NCOA1: variants seen among roughly 807,000 people sequenced by gnomAD.
NCOA1 encodes nuclear receptor coactivator 1, also known as Hin-2 protein.
Under a neutral mutation model 150.9 loss-of-function variants are expected in NCOA1, and 35 were observed. That is an observed-to-expected ratio of 0.23 (90% CI 0.18 to 0.31). The LOEUF is 0.31. NCOA1 is among the 10% of genes least tolerant of loss of function. The pLI, the probability that NCOA1 is intolerant of heterozygous loss-of-function variation, is 1.00. For missense variants in NCOA1, 1,491 were observed against 1,749.3 expected, an observed-to-expected ratio of 0.85 and a Z score of 2.63; for synonymous variants, 590 against 630.0, an observed-to-expected ratio of 0.94 and a Z score of 0.95.
chr2:24,562,910 T>C (rs1666344902), intron 1 of NCOA1, among the ~76,000 whole-genome samples: 1 of 152,054 alleles, frequency 6.6e-6, no homozygotes, highest in African/African-American at 2.4e-5. Context: ...GAATGACAAA[T>C]TGAAGAAGAG....
chr2:24,601,088 A>C (rs180687305), intron 3 of NCOA1, among the ~76,000 whole-genome samples: 13 of 152,266 alleles, frequency 8.5e-5, no homozygotes, highest in Non-Finnish European at 1.8e-4. Context: ...GGGAAGCTTT[A>C]CACAGTTCTA....
rs749147926 is a variant in NCOA1, at chr2:24,707,624, T to A, written c.2154T>A (p.Ser718=). The A allele has an allele frequency of 1.2e-6, 2 of 1,614,230 alleles. No individual in the cohort carries two copies. Among genetic ancestry groups the A allele is most frequent in the Non-Finnish European group, 1.7e-6 (2 of 1,180,028 alleles). The change falls in exon 13 of 23, where the codon TCT becomes TCA. Residue 718 remains serine, a synonymous_variant. Transcript: ENST00000348332. ...EPDKKDSAST[S]VSVTGQVQGN... is the part of the protein sequence containing the mutation. ...ATAAAAAGGACAGTGCATCTACTTC[T>A]GTGTCAGTGACTGGACAGGTACAAG...
At chr2:24,559,703 C>T (rs528336470) in intron 1 of NCOA1, among the ~76,000 whole-genome samples, 4 of 152,186 alleles carry the variant, frequency 2.6e-5, no homozygotes, top group Admixed American at 1.3e-4. Flanking sequence ...TTTCCCCTAG[C>T]GGTAGTAGAA....
chr2:24,751,719 C>T (rs937292093), intron 19 of NCOA1, among the ~76,000 whole-genome samples: 9 of 151,948 alleles, frequency 5.9e-5, no homozygotes, highest in African/African-American at 1.7e-4. Flanking sequence ...GCACAAATAA[C>T]GTCTTAGTGA....
At chr2:24,589,179 T>C (rs535769673) in intron 3 of NCOA1, among the ~76,000 whole-genome samples, 1 of 152,268 alleles carries the variant, frequency 6.6e-6, no homozygotes, top group South Asian at 2.1e-4. Flanking sequence ...CTTTTCTGGT[T>C]TCTTACTGGT....
chr2:24,511,310 C>T (rs553345342), intron 1 of NCOA1, among the ~76,000 whole-genome samples: 1 of 152,184 alleles, frequency 6.6e-6, no homozygotes, highest in Non-Finnish European at 1.5e-5. Context: ...ATATGAATTG[C>T]GGGGTCATAT....
At chr2:24,718,734 A>C (rs928651240) in intron 14 of NCOA1, among the ~76,000 whole-genome samples, 1 of 151,454 alleles carries the variant, frequency 6.6e-6, no homozygotes, top group Non-Finnish European at 1.5e-5. Flanking sequence ...ACAAAAAAAA[A>C]AAAAACAAAT....
intron 3 of NCOA1, among the ~76,000 whole-genome samples, chr2:24,611,733 G>T (rs368336534): frequency 6.6e-6 from 1 of 151,992 alleles, no homozygotes; most frequent in Non-Finnish European, 1.5e-5. Flanking sequence ...TGTAAGACTT[G>T]CAACCCCTGC....
intron 1 of NCOA1, among the ~76,000 whole-genome samples, chr2:24,562,606 T>C (rs980748504): frequency 3.3e-5 from 5 of 152,208 alleles, no homozygotes; most frequent in African/African-American, 4.8e-5. Flanking sequence ...TGATTAATGG[T>C]GCATTAAGGG....
intron 3 of NCOA1, among the ~76,000 whole-genome samples, chr2:24,586,958 A>G (rs1012404371): frequency 2.0e-5 from 3 of 152,046 alleles, no homozygotes; most frequent in African/African-American, 7.2e-5. Flanking sequence ...CATAGTGAAG[A>G]TTCTTCCCAT....
Position 24,648,133 on chromosome 2 carries a change from A to AT in NCOA1, c.-18+4021dup, listed in dbSNP as rs902083018. 1.7e-3 allele frequency among the ~76,000 whole-genome samples: 254 copies of AT among 150,434 alleles called. 1 individual carries two copies. The highest frequency in any genetic ancestry group is 4.3e-3 in the African/African-American group (175 of 41,004). On this transcript the variant is annotated intron_variant, in intron 4 of 22. Transcript: ENST00000348332. ...CAGCCATTTACATGAAATGCTTGGG[A>AT]TTTTTTTTTTCATTTTTCAGTGGAT...
chr2:24,620,987 GA>G, intron 3 of NCOA1, among the ~76,000 whole-genome samples: 1 of 152,162 alleles, frequency 6.6e-6, no homozygotes, highest in Non-Finnish European at 1.5e-5. Context: ...TATTTGAAAA[GA>G]AATGCTACTT....
At chr2:24,663,563 T>A (rs1288428577) in intron 5 of NCOA1, among the ~76,000 whole-genome samples, 1 of 152,216 alleles carries the variant, frequency 6.6e-6, no homozygotes, top group East Asian at 1.9e-4. Context: ...TAGCATTAGC[T>A]AGAAGGTCTG....
At chr2:24,584,124 T>C (rs192441925) in intron 2 of NCOA1, among the ~76,000 whole-genome samples, 154 of 152,274 alleles carry the variant, frequency 1.0e-3, no homozygotes, top group African/African-American at 3.6e-3. Flanking sequence ...TTAAACATTC[T>C]ATATATGTAT....
At chr2:24,536,068 G>A (rs889542699) in intron 1 of NCOA1, among the ~76,000 whole-genome samples, 15 of 152,056 alleles carry the variant, frequency 9.9e-5, no homozygotes, top group South Asian at 4.1e-4. Flanking sequence ...TCCATTGTCC[G>A]CATCACTTTC....
chr2:24,501,489 A>G (rs1353883668), intron 1 of NCOA1, among the ~76,000 whole-genome samples: 1 of 152,166 alleles, frequency 6.6e-6, no homozygotes, highest in Admixed American at 6.5e-5. Flanking sequence ...AGAAAAGTAA[A>G]TGTTTAAAAA....
At chr2:24,545,078 A>G (rs1665555193) in intron 1 of NCOA1, among the ~76,000 whole-genome samples, 1 of 152,210 alleles carries the variant, frequency 6.6e-6, no homozygotes, top group Non-Finnish European at 1.5e-5. Flanking sequence ...TTTATTTACT[A>G]GCTCTGTCTG....
At chr2:24,528,234 A>G (rs1002172056) in intron 1 of NCOA1, among the ~76,000 whole-genome samples, 5 of 152,094 alleles carry the variant, frequency 3.3e-5, no homozygotes, top group African/African-American at 9.7e-5. Context: ...AATCATTGCC[A>G]AGGCCACTGT....
intron 5 of NCOA1, among the ~76,000 whole-genome samples, chr2:24,665,188 T>C (rs1671361202): frequency 6.6e-6 from 1 of 152,202 alleles, no homozygotes; most frequent in South Asian, 2.1e-4. Context: ...GAATACATTG[T>C]TCACTGTACC....
Sources: allele counts gnomAD v4.1 joint callset (sites outside exome capture counted in the v4.1 genomes callset), GRCh38; gene constraint gnomAD v4.1.1; transcripts MANE v1.5; gene names NCBI Gene and HGNC (gene_info 2026-07-23, HGNC 2026-07-21).